The following MYO7B variants were observed in gnomAD, a reference collection of about 807,000 sequenced individuals.
MYO7B encodes myosin VIIB.
MYO7B carries 212 observed loss-of-function variants against 259.7 expected under a neutral mutation model. The ratio of observed to expected loss-of-function variants is 0.82; its 90% CI spans 0.73 to 0.91. The LOEUF is 0.91. MYO7B is among the 40% of genes least tolerant of loss of function. The pLI is 0.00. For synonymous variants in MYO7B, 1,197 were observed against 1,166.4 expected (o/e 1.03, Z -0.54); for missense variants, 2,732 against 2,813.5 (o/e 0.97, Z 0.66).
chr2:127,563,121 T>G (rs961032118), intron 2 of MYO7B, among the ~76,000 whole-genome samples: 8 of 152,220 alleles, frequency 5.3e-5, no homozygotes, highest in Non-Finnish European at 1.5e-5. Flanking sequence ...TTGTCCCCCA[T>G]CTAATTCCTG....
In MYO7B at chr2:127,626,649, C is replaced by T. The variant is rs563017204; in HGVS notation, c.4216-326C>T. ...CAGAAATTAGCCAGGCGCAGTGGCA[C>T]GCGCCTGTAGTCCCAGCTACTCGGG... On this transcript the variant is annotated intron_variant, in intron 31 of 47. Transcript: ENST00000409816. 9.9e-5 allele frequency: 22 copies of T among 222,362 alleles called. 1 individual carries two copies. Among genetic ancestry groups the T allele is most frequent in the Non-Finnish European group, 1.7e-4 (19 of 111,578 alleles). 13.8% of individuals were successfully genotyped at this position (222,362 alleles called of 1,614,324 possible). A position where few individuals can be genotyped will look rare whatever the true frequency, so the allele number is the denominator to read the frequency against.
chr2:127,631,424 A>G, intron 37 of MYO7B, 61 bp downstream of exon 37: 1 of 1,570,152 alleles, frequency 6.4e-7, no homozygotes, highest in East Asian at 2.3e-5. Flanking sequence ...CACCCAGCAC[A>G]TCCTGGCCCT....
At position 127,637,303 on chromosome 2, in the gene MYO7B, G is replaced by A. The variant is rs776370761; in HGVS notation, c.6328-13G>A. ...TGCACCCACAGCCTCTGACCCCCCC[G>A]TCCCCTGTCCAGGGCTATAAGATGG... On this transcript the variant is annotated splice_polypyrimidine_tract_variant and intron_variant, in intron 47 of 47. Coordinates refer to ENST00000409816, the MANE Select transcript of MYO7B (RefSeq NM_001393586.1). 2.8e-5 allele frequency: 40 copies of A among 1,450,996 alleles called. No individual in the cohort carries two copies. The highest frequency in any genetic ancestry group is 1.3e-4 in the African/African-American group (5 of 37,472). 89.9% of individuals were successfully genotyped at this position (1,450,996 alleles called of 1,614,324 possible).
chr2:127,574,404 G>A (rs1678778317), intron 7 of MYO7B, among the ~76,000 whole-genome samples: 1 of 152,184 alleles, frequency 6.6e-6, no homozygotes, highest in South Asian at 2.1e-4. Flanking sequence ...TAGCTAGGCA[G>A]TGGCACACGC....
chr2:127,549,163 C>T (rs200501717), intron 1 of MYO7B, among the ~76,000 whole-genome samples: 3 of 53,874 alleles, frequency 5.6e-5, no homozygotes, highest in Middle Eastern at 0.01. Context: ...TTCCTTCCTT[C>T]CTTTCTTTCT....
intron 2 of MYO7B, among the ~76,000 whole-genome samples, chr2:127,563,592 C>T (rs539891032): frequency 2.1e-3 from 324 of 152,310 alleles, no homozygotes; most frequent in African/African-American, 6.9e-3. Flanking sequence ...TGCCCTTGCT[C>T]CTACTGCTGC....
intron 1 of MYO7B, among the ~76,000 whole-genome samples, chr2:127,551,897 T>C (rs1459697384): frequency 1.3e-5 from 2 of 152,200 alleles, no homozygotes; most frequent in African/African-American, 2.4e-5. Flanking sequence ...TAAAGAAGGA[T>C]CTCTGGACAC....
Position 127,627,415 on chromosome 2 carries a change from C to T in MYO7B, c.4460+105C>T, listed in dbSNP as rs1005808688. 49 of 1,475,028 alleles carry T rather than the reference C, an allele frequency of 3.3e-5. No homozygotes were observed. In the Admixed American group the frequency reaches 8.6e-4, roughly 26 times the overall value. The allele number at this position is 1,475,028 out of a possible 1,614,324, so 91.4% of individuals were successfully genotyped here. ...AGGGGCAGTGTGCCGTCCCGGGTAA[C>T]AGGCCGGGGTGGAGGGACAAGAATC... On this transcript the variant is annotated intron_variant, in intron 33 of 47. Coordinates refer to ENST00000409816, the MANE Select transcript of MYO7B (RefSeq NM_001393586.1). The surrounding 1 kb of genome is among the most constrained non-coding windows in gnomAD (Gnocchi z 5.6).
At chr2:127,606,296 C>T (rs1680155559) in intron 20 of MYO7B, among the ~76,000 whole-genome samples, 1 of 152,204 alleles carries the variant, frequency 6.6e-6, no homozygotes, top group African/African-American at 2.4e-5. Flanking sequence ...CTAATTTTTT[C>T]TCTTAACCAC....
intron 1 of MYO7B, among the ~76,000 whole-genome samples, chr2:127,542,765 C>T (rs1693055958): frequency 1.3e-5 from 2 of 152,148 alleles, no homozygotes; most frequent in Non-Finnish European, 2.9e-5. Flanking sequence ...TGATCATTAT[C>T]TCTATCACCA....
chr2:127,573,336 G>C (rs182558680), intron 6 of MYO7B, among the ~76,000 whole-genome samples: 13 of 152,296 alleles, frequency 8.5e-5, no homozygotes, highest in African/African-American at 2.9e-4. Flanking sequence ...GTATATACTA[G>C]GATGTAATGC....
intron 1 of MYO7B, among the ~76,000 whole-genome samples, chr2:127,550,523 A>G (rs1693405927): frequency 1.3e-5 from 2 of 150,846 alleles, no homozygotes; most frequent in South Asian, 2.1e-4. Flanking sequence ...ACGCAACTGC[A>G]CTCTAGCCTG....
At chr2:127,565,142 C>T in intron 3 of MYO7B, 91 bp from the exon 4 acceptor site, 1 of 1,494,956 alleles carries the variant, frequency 6.7e-7, no homozygotes, top group Non-Finnish European at 9.0e-7. Context: ...GGAAGGTCAC[C>T]TTGCTGCTGA....
chr2:127,588,267 A>C, intron 14 of MYO7B, 125 bp from the exon 15 acceptor site: 1 of 1,088,456 alleles, frequency 9.2e-7, no homozygotes, highest in African/African-American at 1.6e-5. Context: ...GCATGGCCGT[A>C]GTGGGGCCAT....
In MYO7B at chr2:127,636,751, G is replaced by A. The variant is rs1218235076; in HGVS notation, c.6208-43G>A. Reference sequence around the variant, plus strand: ...CTGTCCCCTAACACACACAGAGCCCGTGCTCTGGAGGCGTCCGGCCCACCC... The same window carrying A: ...CTGTCCCCTAACACACACAGAGCCCATGCTCTGGAGGCGTCCGGCCCACCC... On this transcript the variant is annotated intron_variant, in intron 46 of 47. Coordinates refer to ENST00000409816, the MANE Select transcript of MYO7B (RefSeq NM_001393586.1). This position sits in a 1 kb window ranked among gnomAD's most constrained non-coding sequence, Gnocchi z 4.5. 34 of 1,612,470 alleles carry A rather than the reference G, an allele frequency of 2.1e-5. No homozygotes were observed. The highest frequency in any genetic ancestry group is 2.5e-5 in the Non-Finnish European group (29 of 1,179,426).
At chr2:127,583,224 C>G (rs185497698) in intron 12 of MYO7B, among the ~76,000 whole-genome samples, 1 of 152,206 alleles carries the variant, frequency 6.6e-6, no homozygotes, top group South Asian at 2.1e-4. Flanking sequence ...AGGGGGCTAG[C>G]CTGACCTTGC....
In MYO7B at chr2:127,583,050, A is replaced by G. The variant is rs920235637; in HGVS notation, c.1343+604A>G. 5.9e-5 allele frequency among the ~76,000 whole-genome samples: 9 copies of G among 152,358 alleles called. No homozygotes were observed. In the East Asian group the frequency reaches 1.5e-3, roughly 26 times the overall value. ...AGGCCAGGTGATGCTCAGGGGCACT[A>G]TCACCAGCAAGAGGAGTCCCATGAC... On this transcript the variant is annotated intron_variant, in intron 12 of 47. Coordinates refer to ENST00000409816, the MANE Select transcript of MYO7B (RefSeq NM_001393586.1).
At chr2:127,567,657 T>C (rs1678413767) in intron 5 of MYO7B, among the ~76,000 whole-genome samples, 1 of 152,002 alleles carries the variant, frequency 6.6e-6, no homozygotes. Flanking sequence ...ATGATCCACC[T>C]GGGGGATTCA....
intron 4 of MYO7B, among the ~76,000 whole-genome samples, chr2:127,566,127 A>G (rs1678329567): frequency 6.6e-6 from 1 of 152,202 alleles, no homozygotes; most frequent in Admixed American, 6.5e-5. Flanking sequence ...AGTGAAAACC[A>G]GGACACCATG....
Sources: gnomAD v4.1 joint callset for allele counts (sites outside exome capture counted in the v4.1 genomes callset) on GRCh38, gnomAD v4.1.1 for gene constraint, Gnocchi (gnomAD v3.1) non-coding constraint, MANE v1.5 for transcripts, NCBI Gene and HGNC (gene_info 2026-07-23, HGNC 2026-07-21) for gene names.